FAM13A: variants seen among roughly 807,000 people sequenced by gnomAD.
The protein encoded by FAM13A is protein FAM13A.
In FAM13A, 76 loss-of-function variants were observed where a neutral mutation model predicts 129.6. The ratio of observed to expected loss-of-function variants is 0.59; its 90% CI spans 0.49 to 0.71. The LOEUF is 0.71. Ranked by LOEUF, FAM13A falls within the 30% of genes least tolerant of loss-of-function variation. The probability of loss-of-function intolerance (pLI) is 0.00; values close to 1 mark genes in which losing one functional copy is unlikely to be tolerated. For synonymous variants in FAM13A, 443 were observed against 449.9 expected, an observed-to-expected ratio of 0.98 and a Z score of 0.20; for missense variants, 1,108 against 1,249.3, an observed-to-expected ratio of 0.89 and a Z score of 1.70.
intron 6 of FAM13A, among the ~76,000 whole-genome samples, chr4:88,888,789 A>T (rs1469764659): frequency 6.7e-6 from 1 of 150,366 alleles, no homozygotes; most frequent in Non-Finnish European, 1.5e-5. Context: ...AAAAAAAATT[A>T]GCCGGGTGTG....
At chr4:89,029,901 G>C (rs1321096383) in intron 1 of FAM13A, 3 of 466,626 alleles carry the variant, frequency 6.4e-6, no homozygotes, top group African/African-American at 6.2e-5. Flanking sequence ...GCAATACACT[G>C]CCGTATCTAA....
chr4:88,737,548 G>A lies in FAM13A; in HGVS notation c.2570C>T (p.Pro857Leu). 1.2e-6 allele frequency: 2 copies of A among 1,613,862 alleles called. No individual in the cohort carries two copies. Among genetic ancestry groups the A allele is most frequent in the Non-Finnish European group, 1.7e-6 (2 of 1,179,822 alleles). The change falls in exon 21 of 24, where the codon CCC becomes CTC. Residue 857 changes from proline to leucine, a missense_variant. Physicochemically the swap from Pro to Leu is moderately conservative, Grantham distance 98. Coordinates refer to ENST00000264344, the MANE Select transcript of FAM13A (RefSeq NM_014883.4). ...RANTIPIIGS[P>L]SSKRRSPLLQ... ...CAAAGGGCTTCTCCGCTTGCTGGAG[G>A]GGGAACCCTGTGACAGGTGTTAACA...
At chr4:88,882,070 C>T (rs868654561) in intron 6 of FAM13A, among the ~76,000 whole-genome samples, 35 of 152,102 alleles carry the variant, frequency 2.3e-4, no homozygotes, top group African/African-American at 6.0e-4. Flanking sequence ...AGGGAATAAC[C>T]GAGGAAAACT....
intron 6 of FAM13A, among the ~76,000 whole-genome samples, chr4:88,900,511 G>C (rs982611375): frequency 6.6e-6 from 1 of 152,148 alleles, no homozygotes. Flanking sequence ...TTAAAAAAAA[G>C]AATTTCCAAT....
At chr4:89,016,265 T>G (rs1766474698) in intron 3 of FAM13A, among the ~76,000 whole-genome samples, 1 of 151,838 alleles carries the variant, frequency 6.6e-6, no homozygotes, top group Admixed American at 6.6e-5. Context: ...ATTAAAATTA[T>G]ATGATGAAAA....
chr4:89,010,309 C>T (rs890400717), intron 3 of FAM13A, among the ~76,000 whole-genome samples: 4 of 152,098 alleles, frequency 2.6e-5, no homozygotes, highest in African/African-American at 9.7e-5. Context: ...GGCTTTGTAC[C>T]GAATAAACTC....
intron 6 of FAM13A, among the ~76,000 whole-genome samples, chr4:88,875,621 C>A (rs1742275072): frequency 6.6e-6 from 1 of 152,098 alleles, no homozygotes; most frequent in African/African-American, 2.4e-5. Context: ...AAATGGCGAT[C>A]ATTAAAAAGT....
intron 4 of FAM13A, among the ~76,000 whole-genome samples, chr4:88,984,798 C>T (rs984784137): frequency 6.6e-6 from 1 of 152,144 alleles, no homozygotes; most frequent in Non-Finnish European, 1.5e-5. Context: ...ATGATAAGCA[C>T]ATCCCATTGC....
intron 14 of FAM13A, among the ~76,000 whole-genome samples, chr4:88,751,806 T>C (rs1578490735): frequency 6.6e-6 from 1 of 152,242 alleles, no homozygotes; most frequent in Non-Finnish European, 1.5e-5. Flanking sequence ...GTTTGCATTA[T>C]AGAATGAGTT....
chr4:88,883,831 C>T (rs932488446), intron 6 of FAM13A, among the ~76,000 whole-genome samples: 1 of 38,732 alleles, frequency 2.6e-5, no homozygotes, highest in African/African-American at 2.2e-4. Flanking sequence ...AGAGGTATTA[C>T]AATTGAAATT....
chr4:89,008,472 T>C (rs1765341719), intron 3 of FAM13A, among the ~76,000 whole-genome samples: 1 of 152,240 alleles, frequency 6.6e-6, no homozygotes, highest in African/African-American at 2.4e-5. Context: ...AGCACCTTGA[T>C]CTTGGACTTC....
intron 3 of FAM13A, among the ~76,000 whole-genome samples, chr4:88,994,566 G>A (rs1218807058): frequency 6.6e-6 from 1 of 152,154 alleles, no homozygotes; most frequent in Non-Finnish European, 1.5e-5. Context: ...TTGGCAGGGT[G>A]TGGTGGCTCA....
At chr4:88,875,085 C>T (rs1325544874) in intron 6 of FAM13A, among the ~76,000 whole-genome samples, 1 of 152,094 alleles carries the variant, frequency 6.6e-6, no homozygotes, top group African/African-American at 2.4e-5. Context: ...ACTGGCTAGC[C>T]ATATGTAGAA....
At chr4:88,758,387 G>A (rs1530923) in intron 14 of FAM13A, among the ~76,000 whole-genome samples, 76,325 of 151,242 alleles carry the variant, frequency 0.5, 21,664 homozygotes, top group Non-Finnish European at 0.65. Flanking sequence ...TGGGAGGATC[G>A]CGCCACAGAA....
chr4:88,969,534 A>G (rs140002426), intron 4 of FAM13A, among the ~76,000 whole-genome samples: 37 of 152,356 alleles, frequency 2.4e-4, no homozygotes, highest in East Asian at 2.3e-3. Context: ...AACAATGCAT[A>G]TAAGTGAATT....
rs547697999 is a variant in FAM13A at position 88,889,319 on chromosome 4, C to T, written c.843+17060G>A. On this transcript the variant is annotated intron_variant, in intron 6 of 23. Coordinates refer to ENST00000264344, the MANE Select transcript of FAM13A (RefSeq NM_014883.4). ...TGTGTGGAGGGAGGGACAGGCAATT[C>T]GTCTTTTTATTTCATAGATCCTCAG... 2.5e-4 allele frequency among the ~76,000 whole-genome samples: 38 copies of T among 152,024 alleles called. No individual in the cohort carries two copies. In the South Asian group the frequency reaches 6.6e-3, roughly 27 times the overall value.
chr4:88,875,855 G>A (rs6847513), intron 6 of FAM13A, among the ~76,000 whole-genome samples: 2,091 of 152,142 alleles, frequency 0.014, 59 homozygotes, highest in African/African-American at 0.047. Context: ...TGTTTATTGC[G>A]GCACTATTCA....
chr4:88,997,151 T>C (rs911557934), intron 3 of FAM13A, among the ~76,000 whole-genome samples: 10 of 152,216 alleles, frequency 6.6e-5, no homozygotes, highest in Non-Finnish European at 1.5e-4. Context: ...CCTCTGCAGA[T>C]GTATTAACAT....
In FAM13A at chr4:88,857,628, C is replaced by CAAA. The variant is rs1177788248; in HGVS notation, c.844-6448_844-6446dup. Among the ~76,000 whole-genome samples the CAAA allele has an allele frequency of 2.0e-3, 118 of 58,432 alleles. 3 individuals carry two copies. Among genetic ancestry groups the CAAA allele is most frequent in the Middle Eastern group, 0.01 (1 of 98 alleles). The allele number at this position is 58,432 out of a possible 152,430, so 38.3% of individuals were successfully genotyped here. On this transcript the variant is annotated intron_variant, in intron 6 of 23. Coordinates refer to ENST00000264344, the MANE Select transcript of FAM13A (RefSeq NM_014883.4). The stretch of plus-strand genomic sequence containing the variant: ...TGGGCAACAGAGCAAGATTCTGCCT[C>CAAA]AAAAAAAAAAAAAAAAAAAAAGCTT...
Sources: gnomAD v4.1 joint callset for allele counts (sites outside exome capture counted in the v4.1 genomes callset) on GRCh38, gnomAD v4.1.1 for gene constraint, MANE v1.5 for transcripts, NCBI Gene and HGNC (gene_info 2026-07-23, HGNC 2026-07-21) for gene names.